Variants in ADGRV1 observed in about 807,000 individuals in gnomAD.
ADGRV1 encodes the protein G-protein coupled receptor 98.
ADGRV1 carries 359 observed loss-of-function variants against 596.2 expected under a neutral mutation model. The ratio of observed to expected loss-of-function variants is 0.60; its 90% CI spans 0.55 to 0.66. The LOEUF is 0.66. Ranked by LOEUF, ADGRV1 falls within the 30% of genes least tolerant of loss-of-function variation. The pLI, the probability that ADGRV1 is intolerant of heterozygous loss-of-function variation, is 0.00. For synonymous variants in ADGRV1, 2,681 were observed against 2,679.2 expected, an observed-to-expected ratio of 1.00 and a Z score of -0.02; for missense variants, 7,274 against 7,575.6, an observed-to-expected ratio of 0.96 and a Z score of 1.48.
intron 34 of ADGRV1, among the ~76,000 whole-genome samples, chr5:90,700,873 A>G (rs1747826039): frequency 6.6e-6 from 1 of 152,124 alleles, no homozygotes; most frequent in Non-Finnish European, 1.5e-5. Context: ...ACACGAATCT[A>G]TTAAATATAT....
At chr5:91,007,087 G>A (rs1237834992) in intron 85 of ADGRV1, among the ~76,000 whole-genome samples, 2 of 152,214 alleles carry the variant, frequency 1.3e-5, no homozygotes, top group Non-Finnish European at 2.9e-5. Context: ...ATGCCAGAAG[G>A]AAAGTTGGGA....
intron 67 of ADGRV1, among the ~76,000 whole-genome samples, chr5:90,786,026 A>G (rs982108935): frequency 6.6e-6 from 1 of 152,178 alleles, no homozygotes; most frequent in Non-Finnish European, 1.5e-5. Flanking sequence ...GATAGACTGG[A>G]TTAGGAAAAT....
At position 90,803,727 on chromosome 5, in the gene ADGRV1, G is replaced by GT. The variant is rs1048550569; in HGVS notation, c.14661+855dup. Among the ~76,000 whole-genome samples the GT allele has an allele frequency of 4.4e-4, 65 of 149,178 alleles. 1 individual carries two copies. The highest frequency in any genetic ancestry group is 3.4e-3 in the Middle Eastern group (1 of 290). ...CTATTAAAATAACTGAGAGTAAAAG[G>GT]TTTTTTTTTTCTTTACCTCCTCTTC... On this transcript the variant is annotated intron_variant, in intron 71 of 89. Transcript: ENST00000405460.
chr5:91,142,755 T>TA (rs1284054773), intron 87 of ADGRV1, among the ~76,000 whole-genome samples: 1 of 152,244 alleles, frequency 6.6e-6, no homozygotes, highest in African/African-American at 2.4e-5. Context: ...TTTAGACTAT[T>TA]ACGATTTCAT....
chr5:90,884,672 A>G (rs963342167), intron 83 of ADGRV1, among the ~76,000 whole-genome samples: 1 of 152,130 alleles, frequency 6.6e-6, no homozygotes, highest in African/African-American at 2.4e-5. Context: ...GAACCAAACT[A>G]CTAGTTTCAA....
chr5:91,128,897 G>C (rs1163612920), intron 87 of ADGRV1, among the ~76,000 whole-genome samples: 2 of 152,148 alleles, frequency 1.3e-5, no homozygotes, highest in Admixed American at 6.5e-5. Flanking sequence ...ATACAGTGAG[G>C]CAAAGATTCT....
At chr5:90,921,087 C>G (rs1773833388) in intron 83 of ADGRV1, among the ~76,000 whole-genome samples, 1 of 152,154 alleles carries the variant, frequency 6.6e-6, no homozygotes, top group Non-Finnish European at 1.5e-5. Flanking sequence ...ATTGTATGTT[C>G]CTTCATGCCC....
At chr5:91,107,859 C>A (rs1457981316) in intron 87 of ADGRV1, among the ~76,000 whole-genome samples, 1 of 152,038 alleles carries the variant, frequency 6.6e-6, no homozygotes. Flanking sequence ...GTTTATTGAG[C>A]TCTTATGGAG....
intron 78 of ADGRV1, among the ~76,000 whole-genome samples, chr5:90,844,031 TACATTTTTTAGTA>T (rs1259243634): frequency 6.6e-6 from 1 of 152,160 alleles, no homozygotes; most frequent in Non-Finnish European, 1.5e-5. Context: ...AAACCACAAA[TACATTTTTTAGTA>T]TAAGCATATT....
intron 83 of ADGRV1, among the ~76,000 whole-genome samples, chr5:90,877,940 C>T (rs1052634007): frequency 2.0e-5 from 3 of 151,842 alleles, no homozygotes; most frequent in African/African-American, 4.8e-5. Context: ...GAAAATAAAT[C>T]GTGTGTATAG....
intron 85 of ADGRV1, among the ~76,000 whole-genome samples, chr5:90,988,506 T>TTA (rs1321200318): frequency 6.6e-6 from 1 of 152,234 alleles, no homozygotes; most frequent in East Asian, 1.9e-4. Context: ...TTATCTATTC[T>TTA]TATGGCTTGA....
chr5:90,871,411 C>G (rs1314764472), intron 83 of ADGRV1, among the ~76,000 whole-genome samples: 1 of 152,132 alleles, frequency 6.6e-6, no homozygotes, highest in Non-Finnish European at 1.5e-5. Context: ...CTCAAATAGA[C>G]TGTTCTCACT....
chr5:90,725,494 T>C (rs1212895045), intron 47 of ADGRV1, 55 bp from the exon 48 acceptor site: 1 of 968,804 alleles, frequency 1.0e-6, no homozygotes, highest in African/African-American at 1.6e-5. Flanking sequence ...GTGTGTTCAG[T>C]GGCTTTCTTA....
At chr5:91,079,108 T>C (rs1581989616) in intron 86 of ADGRV1, among the ~76,000 whole-genome samples, 1 of 152,336 alleles carries the variant, frequency 6.6e-6, no homozygotes, top group South Asian at 2.1e-4. Flanking sequence ...TGTACTTGAA[T>C]AGGATCCAGA....
At chr5:91,105,422 C>T (rs1014767584) in intron 87 of ADGRV1, among the ~76,000 whole-genome samples, 1 of 152,144 alleles carries the variant, frequency 6.6e-6, no homozygotes, top group Non-Finnish European at 1.5e-5. Flanking sequence ...ATACTGTTCT[C>T]CATAGTGGTT....
At chr5:91,011,185 A>T (rs1048785057) in intron 85 of ADGRV1, among the ~76,000 whole-genome samples, 11 of 152,004 alleles carry the variant, frequency 7.2e-5, no homozygotes, top group African/African-American at 7.2e-5. Flanking sequence ...TGTTGAGGAC[A>T]TAAAAAAGTA....
Position 90,829,197 on chromosome 5 carries a change from A to T in ADGRV1, c.16611+11A>T. The T allele has an allele frequency of 6.7e-7, 1 of 1,488,654 alleles. No individual in the cohort carries two copies. Among genetic ancestry groups the T allele is most frequent in the Non-Finnish European group, 9.0e-7 (1 of 1,108,922 alleles). 92.2% of individuals were successfully genotyped at this position (1,488,654 alleles called of 1,614,324 possible). A position where few individuals can be genotyped will look rare whatever the true frequency, so the allele number is the denominator to read the frequency against. On this transcript the variant is annotated intron_variant, in intron 77 of 89. Coordinates refer to ENST00000405460, the MANE Select transcript of ADGRV1 (RefSeq NM_032119.4). Reference sequence around the variant, plus strand: ...AACTTTAGTACCCAGGTAAGCATGGAATATATATATTCATACACGTTATGG... The same window carrying T: ...AACTTTAGTACCCAGGTAAGCATGGTATATATATATTCATACACGTTATGG...
Position 90,729,769 on chromosome 5 carries a change from G to A in ADGRV1, c.10549+5G>A, listed in dbSNP as rs780211912. 5.6e-6 allele frequency: 9 copies of A among 1,612,884 alleles called. No individual in the cohort carries two copies. The highest frequency in any genetic ancestry group is 6.8e-6 in the Non-Finnish European group (8 of 1,179,398). ...TCACACCAGCCTCAGGAATAGGTAA[G>A]GACTTTTCAACTGCTCACCAATTCT... On this transcript the variant is annotated splice_donor_5th_base_variant and intron_variant, in intron 50 of 89. Transcript: ENST00000405460.
chr5:90,753,826 A>G lies in ADGRV1; in HGVS notation c.11374A>G (p.Lys3792Glu), dbSNP rs1370118861. ...ASVFIRVAEP[K>E]ENTTTLQLQI... is the part of the protein sequence containing the mutation. Reference sequence around the variant, plus strand: ...TGTCTTCATTAGAGTAGCAGAGCCTAAAGGTAAATATTGTTAAATATCTTT... The same window carrying G: ...TGTCTTCATTAGAGTAGCAGAGCCTGAAGGTAAATATTGTTAAATATCTTT... Residue 3792 changes from lysine (K) to glutamate (E), a missense_variant, in exon 54 of 90, where the codon AAA (lysine) becomes GAA (glutamate). By Grantham distance (56) the Lys-to-Glu change is moderately conservative (BLOSUM62 1). This residue lies in a region of ADGRV1 where 3,643 missense variants were observed against 3,809.2 expected (regional missense o/e 0.96). Coordinates refer to ENST00000405460, the MANE Select transcript of ADGRV1 (RefSeq NM_032119.4). 1 of 1,596,672 alleles carries G rather than the reference A, an allele frequency of 6.3e-7. No individual in the cohort carries two copies. The highest frequency in any genetic ancestry group is 8.5e-7 in the Non-Finnish European group (1 of 1,170,494).
Sources: allele counts gnomAD v4.1 joint callset (sites outside exome capture counted in the v4.1 genomes callset), GRCh38; gene constraint gnomAD v4.1.1; regional missense constraint gnomAD v4.1.1; transcripts MANE v1.5; gene names NCBI Gene and HGNC (gene_info 2026-07-23, HGNC 2026-07-21).